Variants in PDK1 observed in about 807,000 individuals in gnomAD.
PDK1 encodes [Pyruvate dehydrogenase (acetyl-transferring)] kinase isozyme 1, mitochondrial.
Under a neutral mutation model 54.2 loss-of-function variants are expected in PDK1, and 39 were observed. The observed-to-expected ratio is 0.72, with a 90% confidence interval of 0.56 to 0.94. The LOEUF (loss-of-function observed/expected upper bound fraction) is 0.94. PDK1 is among the 40% of genes least tolerant of loss of function. The pLI, the probability that PDK1 is intolerant of heterozygous loss-of-function variation, is 0.00. For synonymous variants in PDK1, 221 were observed against 207.1 expected (o/e 1.07, Z -0.58); for missense variants, 552 against 566.0 (o/e 0.98, Z 0.25).
the PDK1 span, among the ~76,000 whole-genome samples, chr2:172,626,020 T>A: frequency 6.6e-6 from 1 of 152,248 alleles, no homozygotes; most frequent in Non-Finnish European, 1.5e-5. Flanking sequence ...CTAGAAATCT[T>A]TCAAAATCTT....
At chr2:172,629,919 C>T in the PDK1 span, among the ~76,000 whole-genome samples, 8 of 152,330 alleles carry the variant, frequency 5.3e-5, no homozygotes, top group East Asian at 1.5e-3. Context: ...TTTGGCTAGT[C>T]CTGTGAGGAG....
At chr2:172,564,453 A>T in intron 3 of PDK1, 50 bp from the exon 4 acceptor site, 1 of 1,451,960 alleles carries the variant, frequency 6.9e-7, no homozygotes, top group Admixed American at 1.8e-5. Flanking sequence ...TTTTTGTATT[A>T]AGTTTACTTG....
chr2:172,707,576 C>T, the PDK1 span, among the ~76,000 whole-genome samples: 6 of 152,134 alleles, frequency 3.9e-5, no homozygotes, highest in Admixed American at 2.0e-4. Flanking sequence ...AAGCAAAACC[C>T]GGGAACTCAC....
the PDK1 span, among the ~76,000 whole-genome samples, chr2:172,676,293 A>G: frequency 1.3e-5 from 2 of 152,170 alleles, no homozygotes; most frequent in African/African-American, 2.4e-5. Flanking sequence ...TGTAGCTGCT[A>G]TAGATAGTGA....
the PDK1 span, among the ~76,000 whole-genome samples, chr2:172,652,927 A>T: frequency 6.6e-6 from 1 of 152,198 alleles, no homozygotes; most frequent in African/African-American, 2.4e-5. Context: ...TGGCATCCCC[A>T]TCAAGCTACC....
At chr2:172,646,831 A>G in the PDK1 span, among the ~76,000 whole-genome samples, 36 of 148,828 alleles carry the variant, frequency 2.4e-4, no homozygotes, top group African/African-American at 8.0e-4. Context: ...TCTGCCTCCG[A>G]GGTTCAAGCA....
At chr2:172,617,699 A>T in the PDK1 span, among the ~76,000 whole-genome samples, 1 of 152,160 alleles carries the variant, frequency 6.6e-6, no homozygotes, top group East Asian at 1.9e-4. Context: ...GTGCTGTTGC[A>T]TTGGGGATTA....
At chr2:172,697,250 C>T in the PDK1 span, among the ~76,000 whole-genome samples, 5 of 152,148 alleles carry the variant, frequency 3.3e-5, no homozygotes, top group African/African-American at 1.2e-4. Flanking sequence ...AATTCTGTGA[C>T]CAATTCCCCA....
the PDK1 span, among the ~76,000 whole-genome samples, chr2:172,622,755 ATC>A: frequency 5.4e-5 from 8 of 147,960 alleles, no homozygotes; most frequent in African/African-American, 9.9e-5. Context: ...ATATGTTTAT[ATC>A]TCATTATGTG....
chr2:172,665,460 T>G, the PDK1 span, among the ~76,000 whole-genome samples: 1 of 152,198 alleles, frequency 6.6e-6, no homozygotes, highest in Admixed American at 6.5e-5. Context: ...TCATAATTAT[T>G]TTGAAGTTTG....
rs774249049 is a variant in PDK1, at chr2:172,601,063, C to A, written c.*5094C>A. On this transcript the variant is annotated 3_prime_UTR_variant, in exon 11 of 11. Transcript: ENST00000282077. The stretch of plus-strand genomic sequence containing the variant: ...GTTTGTTAAAAGAAAAGTTTTCTGC[C>A]GGGGACTCGCTTTACCCTGTCTACC... 3 of 152,130 alleles carry A rather than the reference C, an allele frequency of 2.0e-5. No homozygotes were observed. Among genetic ancestry groups the A allele is most frequent in the Admixed American group, 6.5e-5 (1 of 15,268 alleles). The allele number at this position is 152,130 out of a possible 1,614,324, so 9.4% of individuals were successfully genotyped here.
At chr2:172,672,701 G>C in the PDK1 span, among the ~76,000 whole-genome samples, 44,209 of 151,614 alleles carry the variant, frequency 0.29, 8,013 homozygotes, top group East Asian at 0.56. Context: ...ACATAACAGT[G>C]TTAATATTAA....
intron 1 of PDK1, among the ~76,000 whole-genome samples, 185 bp from the exon 2 acceptor site, chr2:172,558,523 A>G (rs1688476745): frequency 6.6e-6 from 1 of 152,194 alleles, no homozygotes; most frequent in Non-Finnish European, 1.5e-5. Flanking sequence ...AACTCTGGAG[A>G]CTGGGTTATC....
At chr2:172,687,647 G>A in the PDK1 span, among the ~76,000 whole-genome samples, 2 of 152,112 alleles carry the variant, frequency 1.3e-5, no homozygotes, top group Non-Finnish European at 2.9e-5. Flanking sequence ...CCTTCATTCC[G>A]AGGGGTCTGA....
chr2:172,588,890 T>C (rs1455158589), intron 9 of PDK1, among the ~76,000 whole-genome samples: 2 of 152,218 alleles, frequency 1.3e-5, no homozygotes, highest in Admixed American at 1.3e-4. Context: ...TTTTGTTCTT[T>C]CCAAGTCCTT....
chr2:172,586,888 CA>C (rs1439459243), intron 9 of PDK1, among the ~76,000 whole-genome samples: 1 of 152,120 alleles, frequency 6.6e-6, no homozygotes, highest in Admixed American at 6.5e-5. Context: ...ATCTTAGTTC[CA>C]CCTATTTTCA....
chr2:172,626,175 G>A, the PDK1 span, among the ~76,000 whole-genome samples: 14 of 152,118 alleles, frequency 9.2e-5, no homozygotes, highest in East Asian at 3.9e-4. Flanking sequence ...TTTATTTTTC[G>A]GATTCTGAGT....
At chr2:172,617,950 C>G in the PDK1 span, among the ~76,000 whole-genome samples, 14,074 of 152,164 alleles carry the variant, frequency 0.092, 801 homozygotes, top group East Asian at 0.22. Context: ...CCTTTACTTA[C>G]AAAACATATT....
At chr2:172,676,882 A>G in the PDK1 span, among the ~76,000 whole-genome samples, 9,549 of 152,230 alleles carry the variant, frequency 0.063, 1,022 homozygotes, top group East Asian at 0.53. Flanking sequence ...AGAATTTGCC[A>G]TAGCCACCCC....
Sources: gnomAD v4.1 joint callset for allele counts (sites outside exome capture counted in the v4.1 genomes callset) on GRCh38, gnomAD v4.1.1 for gene constraint, MANE v1.5 for transcripts, NCBI Gene and HGNC (gene_info 2026-07-23, HGNC 2026-07-21) for gene names.